The following ZBTB7A variants were observed in gnomAD, a reference collection of about 807,000 sequenced individuals.
The protein encoded by ZBTB7A is zinc finger and BTB domain containing 7A.
ZBTB7A carries 7 observed loss-of-function variants against 26.7 expected under a neutral mutation model. That is an observed-to-expected ratio of 0.26 (90% CI 0.15 to 0.49). The LOEUF is 0.49. Among genes scored for constraint, ZBTB7A ranks in the 20% least tolerant of loss-of-function variants. The pLI is 0.98. For missense variants in ZBTB7A, 617 were observed against 919.5 expected (o/e 0.67, Z 4.25); for synonymous variants, 452 against 441.0 (o/e 1.02, Z -0.31).
At chr19:4,055,484 T>A (rs2040568350) in intron 1 of ZBTB7A, 1 of 985,176 alleles carries the variant, frequency 1.0e-6, no homozygotes, top group Non-Finnish European at 1.2e-6. Flanking sequence ...TGTGTGTCTT[T>A]AATACAGAGA....
chr19:4,065,376 G>GT (rs2040684297), intron 1 of ZBTB7A: 5 of 144,960 alleles, frequency 3.4e-5, no homozygotes, highest in Non-Finnish European at 7.7e-5. Context: ...GCAGCGCGCG[G>GT]CCCCCGCCCG....
intron 2 of ZBTB7A, among the ~76,000 whole-genome samples, chr19:4,049,143 A>T (rs2040464142): frequency 2.1e-5 from 2 of 93,104 alleles, no homozygotes; most frequent in African/African-American, 3.7e-5. Flanking sequence ...TAGCTATTAA[A>T]CTATATGTGT....
intron 1 of ZBTB7A, among the ~76,000 whole-genome samples, chr19:4,064,903 A>C (rs1599265404): frequency 6.6e-6 from 1 of 151,734 alleles, no homozygotes; most frequent in Admixed American, 6.6e-5. Flanking sequence ...GCCCGGGTGG[A>C]CAGCAACCTC....
At chr19:4,058,800 G>A (rs1303870614) in intron 1 of ZBTB7A, among the ~76,000 whole-genome samples, 8 of 152,174 alleles carry the variant, frequency 5.3e-5, no homozygotes, top group African/African-American at 1.9e-4. Flanking sequence ...CCTCAGCGCG[G>A]GGCCTGAGCT....
chr19:4,047,952 C>A lies in ZBTB7A; in HGVS notation c.1555G>T (p.Gly519Cys). ...DPSPGATATP[G>C]APAQPSSPDA... ...GGGGAGCTGGGCTGGGCGGGGGCGC[C>A]GGGGGTCGCGGTGGCCCCCGGGCTG... The change falls in exon 3 of 3, where the codon GGC becomes TGC. Residue 519 changes from glycine to cysteine, a missense_variant. Around this residue, in one of 5 missense-constraint regions of ZBTB7A, gnomAD observed 136 missense variants for 126.6 expected, o/e 1.07. Transcript: ENST00000322357. 1.6e-6 allele frequency: 2 copies of A among 1,283,120 alleles called. No individual in the cohort carries two copies. The highest frequency in any genetic ancestry group is 2.0e-6 in the Non-Finnish European group (2 of 1,003,422). The allele number at this position is 1,283,120 out of a possible 1,614,324, so 79.5% of individuals were successfully genotyped here.
intron 2 of ZBTB7A, among the ~76,000 whole-genome samples, chr19:4,050,124 C>T (rs567201424): frequency 6.6e-6 from 1 of 152,284 alleles, no homozygotes; most frequent in East Asian, 1.9e-4. Flanking sequence ...GGGGTTTCAC[C>T]ATGTTGGCCG....
chr19:4,065,993 T>C (rs1372127062), intron 1 of ZBTB7A, among the ~76,000 whole-genome samples: 1 of 113,610 alleles, frequency 8.8e-6, no homozygotes, highest in East Asian at 2.7e-4. Flanking sequence ...CCGCCCCTCC[T>C]CCGCACCGCC....
chr19:4,057,142 A>G (rs1599258697), intron 1 of ZBTB7A, among the ~76,000 whole-genome samples: 1 of 151,202 alleles, frequency 6.6e-6, no homozygotes, highest in Non-Finnish European at 1.5e-5. Context: ...TAAGGTCTGG[A>G]GTTCAAGACC....
rs972013080 is a variant in ZBTB7A, at chr19:4,044,088, C to T, written c.*3664G>A. Among the ~76,000 whole-genome samples, 1 of 151,992 alleles carries T rather than the reference C, an allele frequency of 6.6e-6. No individual in the cohort carries two copies. The highest frequency in any genetic ancestry group is 2.4e-5 in the African/African-American group (1 of 41,398). On this transcript the variant is annotated 3_prime_UTR_variant, in exon 3 of 3. Coordinates refer to ENST00000322357, the MANE Select transcript of ZBTB7A (RefSeq NM_015898.4). ...TCAGTGTCACCACCTGTGAGGTGAC[C>T]GCTCCTGCCACGGCCCCGGGGTCTG... is the stretch of plus-strand genomic sequence containing the variant.
At chr19:4,058,356 T>C (rs563594391) in intron 1 of ZBTB7A, among the ~76,000 whole-genome samples, 1 of 152,292 alleles carries the variant, frequency 6.6e-6, no homozygotes, top group Non-Finnish European at 1.5e-5. Flanking sequence ...TGGGCCTCAG[T>C]CTCCCTATCT....
intron 1 of ZBTB7A, among the ~76,000 whole-genome samples, chr19:4,066,464 C>T (rs907075380): frequency 6.6e-6 from 1 of 151,582 alleles, no homozygotes; most frequent in African/African-American, 2.4e-5. Flanking sequence ...ACTTAGCCCC[C>T]AATCCCCCCT....
At position 4,047,676 on chromosome 19, in the gene ZBTB7A, G is replaced by C. The variant is rs569992646; in HGVS notation, c.*76C>G. 1 of 1,489,012 alleles carries C rather than the reference G, an allele frequency of 6.7e-7. No homozygotes were observed. The allele number at this position is 1,489,012 out of a possible 1,614,324, so 92.2% of individuals were successfully genotyped here. On this transcript the variant is annotated 3_prime_UTR_variant, in exon 3 of 3. Transcript: ENST00000322357. ...ATAGATTTTCTTTTTTTGTGTTTTT[G>C]GGGGGGTGGTGGGTGATTTTTTTTC... is the stretch of plus-strand genomic sequence containing the variant.
chr19:4,053,797 T>G (rs573883273), intron 2 of ZBTB7A, among the ~76,000 whole-genome samples, 174 bp downstream of exon 2: 2 of 151,352 alleles, frequency 1.3e-5, no homozygotes, highest in Admixed American at 6.6e-5. Context: ...TGTGTGTGGA[T>G]GTGTAGGTGA....
At chr19:4,059,097 C>T (rs1051369942) in intron 1 of ZBTB7A, among the ~76,000 whole-genome samples, 1 of 152,180 alleles carries the variant, frequency 6.6e-6, no homozygotes, top group Non-Finnish European at 1.5e-5. Flanking sequence ...GGCCCTGGGC[C>T]GCGGGGAGCG....
At position 4,047,700 on chromosome 19, in the gene ZBTB7A, T is replaced by C; in HGVS notation, c.*52A>G. The C allele has an allele frequency of 6.5e-7, 1 of 1,534,948 alleles. No homozygotes were observed. Among genetic ancestry groups the C allele is most frequent in the Admixed American group, 2.3e-5 (1 of 43,572 alleles). On this transcript the variant is annotated 3_prime_UTR_variant, in exon 3 of 3. Coordinates refer to ENST00000322357, the MANE Select transcript of ZBTB7A (RefSeq NM_015898.4). ...TGGGGGGGTGGTGGGTGATTTTTTT[T>C]CTCTCTCTCTGTCTCTCTCTTTCTC...
rs1479950505 is a variant in ZBTB7A, at chr19:4,045,622, G to A, written c.*2130C>T. 14 of 340,960 alleles carry A rather than the reference G, an allele frequency of 4.1e-5. No homozygotes were observed. The highest frequency in any genetic ancestry group is 1.5e-4 in the African/African-American group (7 of 47,246). 21.1% of individuals were successfully genotyped at this position (340,960 alleles called of 1,614,324 possible). On this transcript the variant is annotated 3_prime_UTR_variant, in exon 3 of 3. Transcript: ENST00000322357. This position sits in a 1 kb window ranked among gnomAD's most constrained non-coding sequence, Gnocchi z 4.1. ...GTGTCACAGAGAAGGGGGTATGGGG[G>A]GGTCGGGGGCAGGGAGACACCCCCC...
chr19:4,056,895 C>T (rs1006087562), intron 1 of ZBTB7A, among the ~76,000 whole-genome samples: 8 of 151,552 alleles, frequency 5.3e-5, no homozygotes, highest in African/African-American at 1.9e-4. Flanking sequence ...GGCGTGGTGG[C>T]GCGTGCCTGT....
At position 4,055,092 on chromosome 19, in the gene ZBTB7A, C is replaced by A. The variant is rs1448301144; in HGVS notation, c.141G>T (p.Thr47=). 1 of 1,609,822 alleles carries A rather than the reference C, an allele frequency of 6.2e-7. No individual in the cohort carries two copies. The highest frequency in any genetic ancestry group is 1.1e-5 in the South Asian group (1 of 91,064). The part of the protein sequence containing the change: ...VILVEGREFP[T]HRSVLAACSQ... ...TGCAGGCGGCCAGCACCGAGCGGTG[C>A]GTGGGGAACTCGCGGCCCTCCACCA... is the stretch of plus-strand genomic sequence containing the variant. The change falls in exon 2 of 3, where the codon ACG becomes ACT. Residue 47 remains threonine, a synonymous_variant. Transcript: ENST00000322357.
intron 1 of ZBTB7A, among the ~76,000 whole-genome samples, chr19:4,057,394 G>A (rs1038878791): frequency 7.9e-5 from 12 of 152,172 alleles, no homozygotes; most frequent in Admixed American, 6.5e-5. Context: ...ACAGGAGGAC[G>A]CAGTAGCTCG....
Sources: allele counts gnomAD v4.1 joint callset (sites outside exome capture counted in the v4.1 genomes callset), GRCh38; gene constraint gnomAD v4.1.1; regional missense constraint gnomAD v4.1.1; non-coding constraint Gnocchi (gnomAD v3.1); transcripts MANE v1.5; gene names NCBI Gene and HGNC (gene_info 2026-07-23, HGNC 2026-07-21).